Variants in MED12L observed in about 807,000 individuals in gnomAD.
MED12L encodes the protein mediator complex subunit 12L.
MED12L carries 60 observed loss-of-function variants against 281.3 expected under a neutral mutation model. That is an observed-to-expected ratio of 0.21 (90% confidence interval 0.17 to 0.26). MED12L has a LOEUF of 0.26. Among genes scored for constraint, MED12L ranks in the 10% least tolerant of loss-of-function variants. The probability of loss-of-function intolerance (pLI) is 1.00; values close to 1 mark genes in which losing one functional copy is unlikely to be tolerated. For synonymous variants in MED12L, 974 were observed against 987.2 expected (o/e 0.99, Z 0.25); for missense variants, 2,146 against 2,680.9 (o/e 0.80, Z 4.41).
At chr3:151,165,813 C>A (rs2567322) in intron 10 of MED12L, 33 bp from the exon 11 acceptor site, 1 of 1,596,282 alleles carries the variant, frequency 6.3e-7, no homozygotes, top group African/African-American at 1.3e-5. Flanking sequence ...TATTTTTGGC[C>A]TCATTAACCA....
At chr3:151,210,425 T>TTAAA (rs1219577620) in intron 16 of MED12L, among the ~76,000 whole-genome samples, 4 of 152,234 alleles carry the variant, frequency 2.6e-5, no homozygotes, top group Non-Finnish European at 5.9e-5. Context: ...TAAAAGACCA[T>TTAAA]TGCAGGGTTC....
chr3:151,199,436 G>A, intron 16 of MED12L: 1 of 1,503,030 alleles, frequency 6.7e-7, no homozygotes, highest in South Asian at 1.3e-5. Flanking sequence ...AAATTTCTAA[G>A]ACTCTGTAAA....
At chr3:151,384,315 T>C (rs112216063) in intron 35 of MED12L, 97 bp downstream of exon 35, 1 of 1,227,304 alleles carries the variant, frequency 8.1e-7, no homozygotes, top group Non-Finnish European at 1.1e-6. Flanking sequence ...TTATTAATTG[T>C]ATTCAACTTA....
chr3:151,282,609 C>G (rs1742969602), intron 16 of MED12L, among the ~76,000 whole-genome samples: 1 of 152,090 alleles, frequency 6.6e-6, no homozygotes, highest in African/African-American at 2.4e-5. Flanking sequence ...AACTAGCATC[C>G]AAAATGCTTC....
intron 16 of MED12L, among the ~76,000 whole-genome samples, chr3:151,193,959 T>TC (rs1724303164): frequency 7.8e-6 from 1 of 128,712 alleles, no homozygotes; most frequent in Non-Finnish European, 1.8e-5. Context: ...GTGTTTTTTT[T>TC]CTTTTCTTTT....
Position 151,383,774 on chromosome 3 carries a change from G to C in MED12L, c.4681-5G>C. The stretch of plus-strand genomic sequence containing the variant: ...GCAAATATCTTACTGTATTTTGTCT[G>C]CTAGGTAGGAGGAATGTTTGACACG... On this transcript the variant is annotated splice_polypyrimidine_tract_variant and splice_region_variant and intron_variant, in intron 33 of 44. Transcript: ENST00000687756. The C allele has an allele frequency of 6.3e-7, 1 of 1,598,930 alleles. No homozygotes were observed. Among genetic ancestry groups the C allele is most frequent in the South Asian group, 1.1e-5 (1 of 89,912 alleles).
chr3:151,305,464 T>G (rs982126908), intron 16 of MED12L, among the ~76,000 whole-genome samples: 3 of 152,206 alleles, frequency 2.0e-5, no homozygotes, highest in Non-Finnish European at 4.4e-5. Context: ...GATTAACACA[T>G]TCTCAGTTTC....
chr3:151,301,317 C>T (rs1745888775), intron 16 of MED12L, among the ~76,000 whole-genome samples: 1 of 152,170 alleles, frequency 6.6e-6, no homozygotes, highest in Non-Finnish European at 1.5e-5. Context: ...TCCAGTTTCT[C>T]ATGGAAACAT....
At chr3:151,324,523 C>T (rs1749357509) in intron 16 of MED12L, among the ~76,000 whole-genome samples, 1 of 152,168 alleles carries the variant, frequency 6.6e-6, no homozygotes, top group South Asian at 2.1e-4. Context: ...AGAATATGGG[C>T]TTAGAAGCCA....
intron 6 of MED12L, 104 bp downstream of exon 6, chr3:151,156,434 A>T: frequency 9.3e-7 from 1 of 1,080,854 alleles, no homozygotes; most frequent in South Asian, 1.8e-5. Context: ...TACATGAACC[A>T]ATACATTCAA....
chr3:151,223,772 G>A (rs938434420), intron 16 of MED12L, among the ~76,000 whole-genome samples: 1 of 152,132 alleles, frequency 6.6e-6, no homozygotes, highest in Non-Finnish European at 1.5e-5. Context: ...TTCACTAGAA[G>A]CCCAAAAGCT....
At chr3:151,239,141 G>A (rs1733548549) in intron 16 of MED12L, among the ~76,000 whole-genome samples, 1 of 152,190 alleles carries the variant, frequency 6.6e-6, no homozygotes, top group Admixed American at 6.5e-5. Flanking sequence ...AGAATGAAAA[G>A]TGTTTATATT....
chr3:151,141,407 A>G (rs571565168), intron 5 of MED12L, among the ~76,000 whole-genome samples: 3 of 152,204 alleles, frequency 2.0e-5, no homozygotes, highest in African/African-American at 7.2e-5. Flanking sequence ...AAAAAGGTTT[A>G]TCAAGAGTCT....
intron 16 of MED12L, among the ~76,000 whole-genome samples, chr3:151,259,701 T>C (rs552045331): frequency 6.6e-6 from 1 of 152,362 alleles, no homozygotes; most frequent in South Asian, 2.1e-4. Context: ...TTTATTGAGC[T>C]TCTACTGTGT....
At chr3:151,295,865 T>C (rs918928935) in intron 16 of MED12L, among the ~76,000 whole-genome samples, 9 of 152,220 alleles carry the variant, frequency 5.9e-5, no homozygotes, top group African/African-American at 2.2e-4. Flanking sequence ...AAGTCCTGGA[T>C]ACATACAGAT....
chr3:151,283,648 G>A (rs897952218), intron 16 of MED12L, among the ~76,000 whole-genome samples: 4 of 152,104 alleles, frequency 2.6e-5, no homozygotes, highest in African/African-American at 4.8e-5. Context: ...TTTTGTACCC[G>A]TGATGTTCAC....
intron 16 of MED12L, among the ~76,000 whole-genome samples, chr3:151,287,084 T>C (rs1311993493): frequency 6.6e-6 from 1 of 152,168 alleles, no homozygotes; most frequent in Non-Finnish European, 1.5e-5. Flanking sequence ...GGTGCTGGTA[T>C]GTAGGGAGTG....
chr3:151,312,205 G>A (rs1747641665), intron 16 of MED12L, among the ~76,000 whole-genome samples: 1 of 152,162 alleles, frequency 6.6e-6, no homozygotes, highest in African/African-American at 2.4e-5. Context: ...GGACAGGTAG[G>A]TCATCCACCC....
rs141691317 is a variant in MED12L at position 151,382,705 on chromosome 3, G to A, written c.4640G>A (p.Arg1547Gln). The A allele has an allele frequency of 3.4e-5, 55 of 1,611,972 alleles. No individual in the cohort carries two copies. The highest frequency in any genetic ancestry group is 4.3e-5 in the Non-Finnish European group (51 of 1,179,066). Residue 1547 changes from arginine (R) to glutamine (Q), a missense_variant, in exon 33 of 45, where the codon CGG (arginine) becomes CAG (glutamine). Arg to Gln is a conservative substitution (Grantham distance 43). This residue lies in a region of MED12L where 212 missense variants were observed against 340.8 expected (regional missense o/e 0.62). Coordinates refer to ENST00000687756, the MANE Select transcript of MED12L (RefSeq NM_001393769.1). ...EERYQDDIKARQMMHEALQLR... is the reference protein window; with the variant it reads ...EERYQDDIKAQQMMHEALQLR... The stretch of plus-strand genomic sequence containing the variant: ...CGATACCAAGATGACATAAAAGCGC[G>A]GCAGATGATGCACGAAGCATTGCAA...
Sources: gnomAD v4.1 joint callset for allele counts (sites outside exome capture counted in the v4.1 genomes callset) on GRCh38, gnomAD v4.1.1 for gene constraint, gnomAD v4.1.1 regional missense constraint, MANE v1.5 for transcripts, NCBI Gene and HGNC (gene_info 2026-07-23, HGNC 2026-07-21) for gene names.